The following MYRIP variants were observed in gnomAD, a reference collection of about 807,000 sequenced individuals.
MYRIP encodes the protein myosin VIIA and Rab interacting protein.
A neutral mutation model predicts 98.0 loss-of-function variants in MYRIP; 49 were observed. The ratio of observed to expected loss-of-function variants is 0.50; its 90% CI spans 0.40 to 0.63. MYRIP has a LOEUF of 0.63. Ranked by LOEUF, MYRIP falls within the 30% of genes least tolerant of loss-of-function variation. The pLI is 0.00. For synonymous variants in MYRIP, 404 were observed against 409.5 expected (o/e 0.99, Z 0.16); for missense variants, 1,004 against 1,058.2 (o/e 0.95, Z 0.71).
chr3:39,875,016 G>A (rs1277687176), intron 1 of MYRIP, among the ~76,000 whole-genome samples: 10 of 151,946 alleles, frequency 6.6e-5, no homozygotes, highest in Non-Finnish European at 7.4e-5. Context: ...CCACAATTTC[G>A]GATACTGTTA....
intron 1 of MYRIP, among the ~76,000 whole-genome samples, chr3:39,859,661 C>T (rs1180821771): frequency 6.6e-6 from 1 of 152,158 alleles, no homozygotes; most frequent in African/African-American, 2.4e-5. Context: ...AAGTATCATA[C>T]ACTATGGTTA....
At chr3:40,225,301 G>A (rs1437447808) in intron 11 of MYRIP, among the ~76,000 whole-genome samples, 3 of 152,178 alleles carry the variant, frequency 2.0e-5, no homozygotes, top group Admixed American at 6.5e-5. Context: ...GGGCACTTGT[G>A]CTGGACAGAT....
intron 2 of MYRIP, among the ~76,000 whole-genome samples, chr3:40,017,085 A>C (rs1351146716): frequency 6.6e-6 from 1 of 152,252 alleles, no homozygotes; most frequent in Non-Finnish European, 1.5e-5. Context: ...TTTACTATTT[A>C]AAGCCACTTA....
intron 7 of MYRIP, among the ~76,000 whole-genome samples, chr3:40,168,453 T>A (rs953935027): frequency 2.2e-4 from 33 of 152,230 alleles, no homozygotes; most frequent in African/African-American, 7.7e-4. Flanking sequence ...ATAACAGTGT[T>A]TATTAGCTCA....
chr3:40,232,284 C>T lies in MYRIP; in HGVS notation c.1906-1575C>T, dbSNP rs533286609. Among the ~76,000 whole-genome samples the T allele has an allele frequency of 8.5e-4, 129 of 152,330 alleles. 1 individual carries two copies. The highest frequency in any genetic ancestry group is 6.8e-3 in the Middle Eastern group (2 of 294). The stretch of plus-strand genomic sequence containing the variant: ...TGGCACATGTGTCCTCACCCCAGAA[C>T]GGCTTGACAGGTGTGAGACCATGTG... On this transcript the variant is annotated intron_variant, in intron 11 of 16. Coordinates refer to ENST00000302541, the MANE Select transcript of MYRIP (RefSeq NM_015460.4).
intron 3 of MYRIP, among the ~76,000 whole-genome samples, chr3:40,116,330 C>T (rs879447347): frequency 2.0e-5 from 3 of 152,170 alleles, no homozygotes; most frequent in Admixed American, 2.0e-4. Flanking sequence ...CAAGGAACAA[C>T]TTACATTGCC....
intron 2 of MYRIP, among the ~76,000 whole-genome samples, chr3:39,919,693 G>GAT (rs796639053): frequency 0.029 from 4,117 of 143,208 alleles, 205 homozygotes; most frequent in African/African-American, 0.1. Context: ...GGGTATGTGT[G>GAT]GTGTGTGTGT....
At chr3:40,120,510 G>C (rs545897544) in intron 3 of MYRIP, among the ~76,000 whole-genome samples, 141 of 152,346 alleles carry the variant, frequency 9.3e-4, no homozygotes, top group African/African-American at 3.2e-3. Context: ...GCAACCCTAT[G>C]TGTCCCTGGA....
At chr3:40,023,776 G>A (rs368191962) in intron 2 of MYRIP, among the ~76,000 whole-genome samples, 1 of 152,136 alleles carries the variant, frequency 6.6e-6, no homozygotes, top group Non-Finnish European at 1.5e-5. Context: ...GAAGAAAGAG[G>A]CTTGGTCCCA....
chr3:40,190,066 C>G lies in MYRIP; in HGVS notation c.1268C>G (p.Pro423Arg). Residue 423 changes from proline (P) to arginine (R), a missense_variant, in exon 10 of 17, where the codon CCT becomes CGT. Physicochemically the swap from Pro to Arg is moderately radical, Grantham distance 103. Around this residue, in one of 3 missense-constraint regions of MYRIP, gnomAD observed 880 missense variants for 907.7 expected, o/e 0.97. Coordinates refer to ENST00000302541, the MANE Select transcript of MYRIP (RefSeq NM_015460.4). ...RSRALPRNPQPQPTQAQSSDQ... is the reference protein window; with the variant it reads ...RSRALPRNPQRQPTQAQSSDQ... ...CGGGCCCTGCCCAGGAACCCCCAGC[C>G]TCAGCCCACACAGGCCCAGAGCTCT... 6.2e-7 allele frequency: 1 copy of G among 1,614,060 alleles called. No homozygotes were observed. Among genetic ancestry groups the G allele is most frequent in the Non-Finnish European group, 8.5e-7 (1 of 1,179,964 alleles).
At position 40,192,557 on chromosome 3, in the gene MYRIP, T is replaced by C. The variant is rs150213877; in HGVS notation, c.1665+2094T>C. Among the ~76,000 whole-genome samples, 26 of 151,732 alleles carry C rather than the reference T, an allele frequency of 1.7e-4. No individual in the cohort carries two copies. The South Asian group carries it at 3.7e-3, about 22-fold the overall frequency. On this transcript the variant is annotated intron_variant, in intron 10 of 16. Transcript: ENST00000302541. ...CATACATAAAGTACATTTAGAAATA[T>C]AGTTCAGTGAATGTGTTTTAGCAAA...
At chr3:39,923,230 A>G (rs564873173) in intron 2 of MYRIP, among the ~76,000 whole-genome samples, 1 of 152,216 alleles carries the variant, frequency 6.6e-6, no homozygotes, top group East Asian at 1.9e-4. Context: ...CTAAATTTAT[A>G]TTATTAGAGT....
At chr3:40,021,642 G>C (rs1947001426) in intron 2 of MYRIP, among the ~76,000 whole-genome samples, 1 of 152,154 alleles carries the variant, frequency 6.6e-6, no homozygotes, top group South Asian at 2.1e-4. Context: ...CCCAACAACA[G>C]GAAGAAAATT....
intron 1 of MYRIP, among the ~76,000 whole-genome samples, chr3:39,859,905 C>G (rs1942416225): frequency 6.6e-6 from 1 of 152,206 alleles, no homozygotes; most frequent in South Asian, 2.1e-4. Flanking sequence ...CAGCTAACAT[C>G]ATACTCAGCA....
chr3:39,884,019 T>G (rs1943224203), intron 1 of MYRIP, among the ~76,000 whole-genome samples: 1 of 152,058 alleles, frequency 6.6e-6, no homozygotes, highest in Non-Finnish European at 1.5e-5. Flanking sequence ...GACAAAAATA[T>G]AACACAAAAC....
intron 10 of MYRIP, among the ~76,000 whole-genome samples, chr3:40,194,523 T>C (rs902813415): frequency 2.0e-5 from 3 of 152,098 alleles, no homozygotes; most frequent in Non-Finnish European, 4.4e-5. Context: ...TTTTAGAAAA[T>C]GATGATATCA....
rs1559481192 is a variant in MYRIP at position 40,258,308 on chromosome 3, G to C, written c.*142G>C. ...CCACAGTGCACCATTGCACAGGGCT[G>C]TCCTGATACCTCATCCAGAAAGCCG... is the stretch of plus-strand genomic sequence containing the variant. On this transcript the variant is annotated 3_prime_UTR_variant, in exon 17 of 17. Coordinates refer to ENST00000302541, the MANE Select transcript of MYRIP (RefSeq NM_015460.4). The C allele has an allele frequency of 2.2e-6, 2 of 916,576 alleles. No individual in the cohort carries two copies. The highest frequency in any genetic ancestry group is 2.8e-5 in the South Asian group (2 of 70,486). 56.8% of individuals were successfully genotyped at this position (916,576 alleles called of 1,614,324 possible). A position where few individuals can be genotyped will look rare whatever the true frequency, so the allele number is the denominator to read the frequency against.
intron 2 of MYRIP, among the ~76,000 whole-genome samples, chr3:39,955,855 A>C (rs1348954409): frequency 6.7e-6 from 1 of 149,094 alleles, no homozygotes; most frequent in Non-Finnish European, 1.5e-5. Flanking sequence ...AATGGAAAAC[A>C]AAAAAAAGCA....
intron 3 of MYRIP, among the ~76,000 whole-genome samples, chr3:40,091,540 G>A (rs1439970572): frequency 6.6e-6 from 1 of 152,142 alleles, no homozygotes; most frequent in Non-Finnish European, 1.5e-5. Context: ...TAAATTTAAT[G>A]GTCATGTGGC....
Sources: allele counts gnomAD v4.1 joint callset (sites outside exome capture counted in the v4.1 genomes callset), GRCh38; gene constraint gnomAD v4.1.1; regional missense constraint gnomAD v4.1.1; transcripts MANE v1.5; gene names NCBI Gene and HGNC (gene_info 2026-07-23, HGNC 2026-07-21).